CYP2C19: variants seen among roughly 807,000 people sequenced by gnomAD.
CYP2C19 encodes cytochrome P450 family 2 subfamily C member 19.
Under a neutral mutation model 40.9 loss-of-function variants are expected in CYP2C19, and 59 were observed. That is an observed-to-expected ratio of 1.44 (90% CI 1.17 to 1.79). The LOEUF (loss-of-function observed/expected upper bound fraction) is 1.79, where lower values mean the gene tolerates loss of function less well. CYP2C19 is among the 40% of genes most tolerant of loss of function. CYP2C19 has a pLI of 0.00. For synonymous variants in CYP2C19, 253 were observed against 208.7 expected (o/e 1.21, Z -1.83); for missense variants, 754 against 596.9 (o/e 1.26, Z -2.74).
At chr10:94,812,873 A>G (rs527755956) in intron 5 of CYP2C19, among the ~76,000 whole-genome samples, 1 of 151,978 alleles carries the variant, frequency 6.6e-6, no homozygotes, top group Non-Finnish European at 1.5e-5. Flanking sequence ...TCAATTCATC[A>G]AATTCTTTCT....
At chr10:94,813,775 C>T (rs1848961009) in intron 5 of CYP2C19, among the ~76,000 whole-genome samples, 1 of 151,032 alleles carries the variant, frequency 6.6e-6, no homozygotes, top group African/African-American at 2.4e-5. Context: ...GGCTTCAGTC[C>T]TCTTTCCAGG....
intron 5 of CYP2C19, among the ~76,000 whole-genome samples, chr10:94,803,396 C>G (rs1848792218): frequency 6.6e-6 from 1 of 152,118 alleles, no homozygotes; most frequent in Non-Finnish European, 1.5e-5. Context: ...GTAGATGGGA[C>G]TTGTGAGCAA....
At chr10:94,815,245 A>T (rs1346150936) in intron 5 of CYP2C19, among the ~76,000 whole-genome samples, 1 of 151,962 alleles carries the variant, frequency 6.6e-6, no homozygotes, top group Non-Finnish European at 1.5e-5. Flanking sequence ...GATGTTACCA[A>T]GGGAGAGGAC....
intron 5 of CYP2C19, among the ~76,000 whole-genome samples, chr10:94,797,627 T>C (rs537460375): frequency 6.6e-6 from 1 of 152,110 alleles, no homozygotes; most frequent in Non-Finnish European, 1.5e-5. Flanking sequence ...CTGAACTTTT[T>C]TTTTGGTTGG....
At chr10:94,848,317 C>T (rs941184205) in intron 7 of CYP2C19, among the ~76,000 whole-genome samples, 1 of 152,124 alleles carries the variant, frequency 6.6e-6, no homozygotes, top group African/African-American at 2.4e-5. Flanking sequence ...TTTCCCAGCA[C>T]CATTTATTAA....
chr10:94,804,214 G>C (rs1255447923), intron 5 of CYP2C19, among the ~76,000 whole-genome samples: 1 of 152,126 alleles, frequency 6.6e-6, no homozygotes, highest in Non-Finnish European at 1.5e-5. Flanking sequence ...ACCATTTCCA[G>C]GTCACCAAGC....
rs557843029 is a variant in CYP2C19, at chr10:94,827,399, A to G, written c.961+6762A>G. On this transcript the variant is annotated intron_variant, in intron 6 of 8. Transcript: ENST00000371321. The stretch of plus-strand genomic sequence containing the variant: ...TCCTGGTTTAGTCTTGGGAGAGTGT[A>G]TGTGTCGAGGAATGTATCCATTTCT... Among the ~76,000 whole-genome samples, 842 of 151,892 alleles carry G rather than the reference A, an allele frequency of 5.5e-3. 6 individuals are homozygous for G. The highest frequency in any genetic ancestry group is 0.037 in the Middle Eastern group (11 of 294).
intron 5 of CYP2C19, among the ~76,000 whole-genome samples, chr10:94,788,072 A>AGAC (rs1307567489): frequency 2.6e-5 from 4 of 151,866 alleles, no homozygotes; most frequent in Non-Finnish European, 5.9e-5. Context: ...CTCCTTGTAG[A>AGAC]GACCGTTTGC....
chr10:94,830,239 C>T (rs1849310785), intron 6 of CYP2C19, among the ~76,000 whole-genome samples: 1 of 152,180 alleles, frequency 6.6e-6, no homozygotes, highest in Non-Finnish European at 1.5e-5. Flanking sequence ...CAATGGCGGG[C>T]GCCCCTCCCC....
At chr10:94,815,986 C>CAAAGGTAGACTACAA (rs1848996038) in intron 5 of CYP2C19, among the ~76,000 whole-genome samples, 1 of 152,112 alleles carries the variant, frequency 6.6e-6, no homozygotes, top group Non-Finnish European at 1.5e-5. Context: ...TGGTTGTCTA[C>CAAAGGTAGACTACAA]AGGTAATAGT....
At chr10:94,814,342 A>T (rs921488928) in intron 5 of CYP2C19, among the ~76,000 whole-genome samples, 43 of 151,904 alleles carry the variant, frequency 2.8e-4, no homozygotes, top group African/African-American at 1.0e-3. Flanking sequence ...GAGAGTTATT[A>T]TGTCCCTTTG....
chr10:94,810,053 T>A (rs1045639673), intron 5 of CYP2C19, among the ~76,000 whole-genome samples: 1 of 152,156 alleles, frequency 6.6e-6, no homozygotes, highest in Non-Finnish European at 1.5e-5. Flanking sequence ...GCTAATTTTT[T>A]GTATCTTTAG....
At chr10:94,846,384 G>A (rs1356973610) in intron 7 of CYP2C19, among the ~76,000 whole-genome samples, 4 of 152,122 alleles carry the variant, frequency 2.6e-5, no homozygotes, top group South Asian at 2.1e-4. Context: ...TGAGGCAGAG[G>A]CACATAATGT....
intron 7 of CYP2C19, among the ~76,000 whole-genome samples, chr10:94,843,605 A>G (rs2134287342): frequency 6.6e-6 from 1 of 152,292 alleles, no homozygotes; most frequent in South Asian, 2.1e-4. Context: ...TATCATTCTG[A>G]TGACCTTAAT....
chr10:94,849,159 A>C (rs1849614968), intron 7 of CYP2C19, among the ~76,000 whole-genome samples: 1 of 151,696 alleles, frequency 6.6e-6, no homozygotes, highest in African/African-American at 2.4e-5. Context: ...TTGTGCCTTT[A>C]AGTCATAGTC....
chr10:94,835,320 G>A (rs1279218582), intron 6 of CYP2C19, among the ~76,000 whole-genome samples: 1 of 152,166 alleles, frequency 6.6e-6, no homozygotes, highest in Non-Finnish European at 1.5e-5. Context: ...TAAGTGAAAG[G>A]TTTGGTGAAG....
chr10:94,804,478 G>A (rs1241755154), intron 5 of CYP2C19, among the ~76,000 whole-genome samples: 1 of 152,212 alleles, frequency 6.6e-6, no homozygotes, highest in Non-Finnish European at 1.5e-5. Flanking sequence ...ATTAAAAGCA[G>A]CATCTTGCTC....
At chr10:94,795,632 T>C (rs1196304500) in intron 5 of CYP2C19, among the ~76,000 whole-genome samples, 1 of 152,102 alleles carries the variant, frequency 6.6e-6, no homozygotes, top group Non-Finnish European at 1.5e-5. Flanking sequence ...AGTGTAAAAG[T>C]GTTCCTATTT....
At chr10:94,806,183 T>G (rs548105620) in intron 5 of CYP2C19, among the ~76,000 whole-genome samples, 1 of 152,202 alleles carries the variant, frequency 6.6e-6, no homozygotes, top group Non-Finnish European at 1.5e-5. Context: ...TATTTCACTT[T>G]GCCTAATGTT....
Sources: allele counts gnomAD v4.1 joint callset (sites outside exome capture counted in the v4.1 genomes callset), GRCh38; gene constraint gnomAD v4.1.1; transcripts MANE v1.5; gene names NCBI Gene and HGNC (gene_info 2026-07-23, HGNC 2026-07-21).